The following DUOX1 variants were observed in gnomAD, a reference collection of about 807,000 sequenced individuals.
The protein encoded by DUOX1 is NADPH thyroid oxidase 1.
A neutral mutation model predicts 181.8 loss-of-function variants in DUOX1; 134 were observed. That is an observed-to-expected ratio of 0.74 (90% CI 0.64 to 0.85). DUOX1 has a LOEUF of 0.85. Among genes scored for constraint, DUOX1 ranks in the 40% least tolerant of loss-of-function variants. DUOX1 has a pLI of 0.00. For missense variants in DUOX1, 1,814 were observed against 2,064.4 expected (o/e 0.88, Z 2.35); for synonymous variants, 798 against 832.5 (o/e 0.96, Z 0.71).
rs568280662 is a variant in DUOX1 at position 45,144,794 on chromosome 15, T to C, written c.2137-101T>C. The C allele has an allele frequency of 6.1e-6, 8 of 1,301,574 alleles. No individual in the cohort carries two copies. In the East Asian group the frequency reaches 1.9e-4, roughly 30 times the overall value. The allele number at this position is 1,301,574 out of a possible 1,614,324, so 80.6% of individuals were successfully genotyped here. ...GTAAAAGGAGAAATAATATCCCTTT[T>C]TCAAGGCCACCCCAGTGGCCCCTCT... On this transcript the variant is annotated intron_variant, in intron 17 of 33. Coordinates refer to ENST00000389037, the MANE Select transcript of DUOX1 (RefSeq NM_175940.3).
intron 9 of DUOX1, 119 bp downstream of exon 9, chr15:45,136,744 A>AC: frequency 1.1e-6 from 1 of 888,500 alleles, no homozygotes; most frequent in Non-Finnish European, 1.8e-6. Flanking sequence ...CAAGGGAAAG[A>AC]CCGATAGAGA....
At position 45,162,274 on chromosome 15, in the gene DUOX1, T is replaced by C. The variant is rs1404218076; in HGVS notation, c.4145T>C (p.Val1382Ala). Residue 1382 changes from valine to alanine, a missense_variant, in exon 31 of 34, where the codon GTG (valine) becomes GCG (alanine). By Grantham distance (64) the Val-to-Ala change is moderately conservative. Around this residue, in one of 5 missense-constraint regions of DUOX1, gnomAD observed 279 missense variants for 381.9 expected, o/e 0.73. Coordinates refer to ENST00000389037, the MANE Select transcript of DUOX1 (RefSeq NM_175940.3). ...EGHQEWHKFE[V>A]SVLVGGGIGV... is the part of the protein sequence containing the mutation. ...CACCAGGAGTGGCATAAGTTTGAGG[T>C]GTCAGTGTTAGTGGGAGGGGGCATT... is the stretch of plus-strand genomic sequence containing the variant. 2.5e-6 allele frequency: 4 copies of C among 1,613,488 alleles called. No homozygotes were observed. The highest frequency in any genetic ancestry group is 1.1e-5 in the South Asian group (1 of 90,938).
chr15:45,133,337 C>T (rs1020386157), intron 2 of DUOX1, among the ~76,000 whole-genome samples: 1 of 152,200 alleles, frequency 6.6e-6, no homozygotes, highest in African/African-American at 2.4e-5. Context: ...CAACACCACA[C>T]CCTTGCCCTG....
chr15:45,141,734 T>G (rs1896496479), intron 14 of DUOX1, among the ~76,000 whole-genome samples: 1 of 148,216 alleles, frequency 6.7e-6, no homozygotes, highest in South Asian at 2.1e-4. Flanking sequence ...ATCCCAACCC[T>G]ACAGCAGTGA....
At chr15:45,156,047 C>A in intron 28 of DUOX1, 118 bp downstream of exon 28, 2 of 1,347,876 alleles carry the variant, frequency 1.5e-6, no homozygotes, top group Non-Finnish European at 2.1e-6. Flanking sequence ...CTCTTCACTT[C>A]TCGACGTCCC....
chr15:45,152,325 C>A lies in DUOX1; in HGVS notation c.3233C>A (p.Thr1078Asn), dbSNP rs768213007. The A allele has an allele frequency of 6.2e-7, 1 of 1,614,218 alleles. No homozygotes were observed. The highest frequency in any genetic ancestry group is 8.5e-7 in the Non-Finnish European group (1 of 1,180,032). ...GCACATCACACGGGCATCACAGACACCACCCGCGTGGGAATCATCCTGTCG... is the reference window on the plus strand; with the variant it reads ...GCACATCACACGGGCATCACAGACAACACCCGCGTGGGAATCATCCTGTCG... ...FAAHHTGITD[T>N]TRVGIILSRG... is the part of the protein sequence containing the mutation. Residue 1078 changes from threonine (T) to asparagine (N), a missense_variant, in exon 25 of 34, where the codon ACC becomes AAC. This residue lies in a region of DUOX1 where 1,064 missense variants were observed against 1,152.9 expected (regional missense o/e 0.92). Coordinates refer to ENST00000389037, the MANE Select transcript of DUOX1 (RefSeq NM_175940.3).
Position 45,135,909 on chromosome 15 carries a change from G to C in DUOX1, c.825G>C (p.Leu275=). ...ACCCAGACTGGGAGGACGAGGAGCT[G>C]TTCCAGCACGCACGCAAGAGGGTCA... ...RQHPDWEDEE[L]FQHARKRVIA... The change falls in exon 7 of 34, where the codon CTG becomes CTC. Residue 275 remains leucine, a synonymous_variant. Coordinates refer to ENST00000389037, the MANE Select transcript of DUOX1 (RefSeq NM_175940.3). 6.8e-7 allele frequency: 1 copy of C among 1,472,604 alleles called. No individual in the cohort carries two copies. Among genetic ancestry groups the C allele is most frequent in the Non-Finnish European group, 9.1e-7 (1 of 1,095,038 alleles). The allele number at this position is 1,472,604 out of a possible 1,614,324, so 91.2% of individuals were successfully genotyped here.
Position 45,143,183 on chromosome 15 carries a change from C to T in DUOX1, c.1823-7C>T, listed in dbSNP as rs751540191. ...GTCTCCCTGAACCTCTGCCTCTGCC[C>T]TCCCAGTGAGCCTGCTCAGTGCCTG... On this transcript the variant is annotated splice_polypyrimidine_tract_variant and splice_region_variant and intron_variant, in intron 15 of 33. Transcript: ENST00000389037. 4 of 1,613,098 alleles carry T rather than the reference C, an allele frequency of 2.5e-6. No homozygotes were observed. The highest frequency in any genetic ancestry group is 2.5e-6 in the Non-Finnish European group (3 of 1,179,344).
rs374732360 is a variant in DUOX1, at chr15:45,139,409, C to T, written c.1217-18C>T. 14 of 1,611,220 alleles carry T rather than the reference C, an allele frequency of 8.7e-6. No homozygotes were observed. The highest frequency in any genetic ancestry group is 1.2e-5 in the Non-Finnish European group (14 of 1,179,196). ...GTGGCCCTGAGCTCCCTCAGACTGT[C>T]TGGTATCTTGTCTCCAGATTTCTGG... On this transcript the variant is annotated intron_variant, in intron 11 of 33. Coordinates refer to ENST00000389037, the MANE Select transcript of DUOX1 (RefSeq NM_175940.3).
In DUOX1 at chr15:45,139,070, C is replaced by G. The variant is rs1896418688; in HGVS notation, c.1118C>G (p.Pro373Arg). The G allele has an allele frequency of 1.2e-6, 2 of 1,613,530 alleles. No individual in the cohort carries two copies. The highest frequency in any genetic ancestry group is 1.3e-5 in the African/African-American group (1 of 74,948). ...CCCCACCCCCAACCTATAAAGCACC[C>G]AAGCCTACAAAGTGCTGAAGATGTG... ...VCNSYWSREH[P>R]SLQSAEDVDA... The change falls in exon 11 of 34, where the codon CCA (proline) becomes CGA (arginine). Residue 373 changes from proline to arginine, a missense_variant. By Grantham distance (103) the Pro-to-Arg change is moderately radical. Coordinates refer to ENST00000389037, the MANE Select transcript of DUOX1 (RefSeq NM_175940.3).
chr15:45,137,561 C>T (rs190387187), intron 9 of DUOX1, among the ~76,000 whole-genome samples: 37 of 151,910 alleles, frequency 2.4e-4, no homozygotes, highest in Admixed American at 2.0e-3. Flanking sequence ...TATTCATAGA[C>T]AAGTAGTTTC....
chr15:45,161,120 G>A, intron 29 of DUOX1, 130 bp downstream of exon 29: 2 of 1,393,118 alleles, frequency 1.4e-6, no homozygotes, highest in South Asian at 1.4e-5. Flanking sequence ...CAGGGACAAA[G>A]GAGCTGGTAG....
At chr15:45,145,271 A>C (rs1896621120) in intron 18 of DUOX1, among the ~76,000 whole-genome samples, 191 bp downstream of exon 18, 1 of 152,188 alleles carries the variant, frequency 6.6e-6, no homozygotes, top group South Asian at 2.1e-4. Flanking sequence ...CCCACCTCCA[A>C]CTACGAGGCT....
At chr15:45,157,029 G>C (rs1273255285) in intron 28 of DUOX1, among the ~76,000 whole-genome samples, 2 of 152,134 alleles carry the variant, frequency 1.3e-5, no homozygotes, top group African/African-American at 4.8e-5. Flanking sequence ...CTGCATACAG[G>C]GCTCTCCTTT....
Position 45,154,595 on chromosome 15 carries a change from G to GTTTTT in DUOX1, c.3574+607_3574+611dup, listed in dbSNP as rs1193223968. 2.4e-3 allele frequency among the ~76,000 whole-genome samples: 339 copies of GTTTTT among 139,902 alleles called. 1 individual carries two copies. The highest frequency in any genetic ancestry group is 5.5e-3 in the African/African-American group (209 of 37,898). The allele number at this position is 139,902 out of a possible 152,430, so 91.8% of individuals were successfully genotyped here. A position where few individuals can be genotyped will look rare whatever the true frequency, so the allele number is the denominator to read the frequency against. On this transcript the variant is annotated intron_variant, in intron 27 of 33. Transcript: ENST00000389037. ...GCTCCTCTCTGTGAAACACAGCATGGTTTTTTTTTTTTTTTTAATCCTAAA... is the reference window on the plus strand; with the variant it reads ...GCTCCTCTCTGTGAAACACAGCATGGTTTTTTTTTTTTTTTTTTTTTAATCCTAAA...
At chr15:45,152,213 G>C in intron 24 of DUOX1, 73 bp from the exon 25 acceptor site, 1 of 1,497,810 alleles carries the variant, frequency 6.7e-7, no homozygotes, top group Non-Finnish European at 9.0e-7. Context: ...CAGCCGGCCA[G>C]GGCCTACCGC....
In DUOX1 at chr15:45,137,952, A is replaced by C; in HGVS notation, c.1051A>C (p.Ile351Leu). The C allele has an allele frequency of 1.9e-6, 3 of 1,609,828 alleles. No homozygotes were observed. Among genetic ancestry groups the C allele is most frequent in the Non-Finnish European group, 2.5e-6 (3 of 1,177,652 alleles). The change falls in exon 10 of 34, where the codon ATC (isoleucine) becomes CTC (leucine). Residue 351 changes from isoleucine to leucine, a missense_variant. Transcript: ENST00000389037. ...TGCCAGCTGCCACTTCCAGGGGGTC[A>C]TCAATCGGAACTCAAGTGTCTCCAG... ...RNASCHFQGV[I>L]NRNSSVSRAL...
chr15:45,143,341 C>T, intron 16 of DUOX1, 38 bp downstream of exon 16: 1 of 1,545,046 alleles, frequency 6.5e-7, no homozygotes, highest in Middle Eastern at 1.7e-4. Flanking sequence ...GTAGGGAGGA[C>T]ATGGCTCAGC....
intron 17 of DUOX1, 147 bp downstream of exon 17, chr15:45,144,382 A>G (rs1052634057): frequency 7.2e-6 from 6 of 830,804 alleles, no homozygotes; most frequent in Non-Finnish European, 1.1e-5. Flanking sequence ...GGAGTACCTG[A>G]TAGAGAGATA....
Sources: allele counts gnomAD v4.1 joint callset (sites outside exome capture counted in the v4.1 genomes callset), GRCh38; gene constraint gnomAD v4.1.1; regional missense constraint gnomAD v4.1.1; transcripts MANE v1.5; gene names NCBI Gene and HGNC (gene_info 2026-07-23, HGNC 2026-07-21).